The following PRRG1 variants were observed in gnomAD, a reference collection of about 807,000 sequenced individuals.
PRRG1 encodes transmembrane gamma-carboxyglutamic acid protein 1.
Under a neutral mutation model 11.8 loss-of-function variants are expected in PRRG1, and 5 were observed. That is an observed-to-expected ratio of 0.42 (90% CI 0.22 to 0.89). PRRG1 has a LOEUF of 0.89. Among genes scored for constraint, PRRG1 ranks in the 40% least tolerant of loss-of-function variants. PRRG1 has a pLI of 0.28. For missense variants in PRRG1, 155 were observed against 166.1 expected (o/e 0.93, Z 0.37); for synonymous variants, 66 against 60.4 (o/e 1.09, Z -0.43).
At chrX:37,442,844 C>T (rs374345856) in intron 3 of PRRG1, among the ~76,000 whole-genome samples, 1 of 111,106 alleles carries the variant, frequency 9.0e-6, no homozygotes, top group Non-Finnish European at 1.9e-5. Context: ...TGCATATTGC[C>T]CTTACAAATC....
chrX:37,412,187 G>A (rs1556384061), intron 2 of PRRG1, among the ~76,000 whole-genome samples: 2 of 111,855 alleles, frequency 1.8e-5, no homozygotes, highest in Non-Finnish European at 3.8e-5. Flanking sequence ...AAACATAGCA[G>A]CATAATTCCT....
Position 37,366,891 on chromosome X carries a change from A to G in PRRG1, c.-42+17496A>G, listed in dbSNP as rs781922221. On this transcript the variant is annotated intron_variant, in intron 1 of 3. Coordinates refer to ENST00000378628, the MANE Select transcript of PRRG1 (RefSeq NM_001142395.2). ...AGATACCAAGACCCGCTCATTGGAA[A>G]GTCTTATTTACACAACTAGAAGGGC... Among the ~76,000 whole-genome samples, 7 of 111,492 alleles carry G rather than the reference A, an allele frequency of 6.3e-5. No individual in the cohort carries two copies. The Admixed American group carries it at 6.7e-4, about 11-fold the overall frequency.
chrX:37,353,896 CA>C (rs2146915997), intron 1 of PRRG1, among the ~76,000 whole-genome samples: 1 of 112,774 alleles, frequency 8.9e-6, no homozygotes, highest in Admixed American at 9.3e-5. Context: ...TGACTGTTAA[CA>C]GCTTATAATG....
chrX:37,399,039 C>A (rs1382514723), intron 1 of PRRG1, among the ~76,000 whole-genome samples: 1 of 111,971 alleles, frequency 8.9e-6, no homozygotes, highest in East Asian at 2.8e-4. Context: ...AGAATGGAAC[C>A]AAGTTGGAAA....
intron 3 of PRRG1, among the ~76,000 whole-genome samples, chrX:37,426,536 AT>A (rs1932776541): frequency 8.9e-6 from 1 of 111,911 alleles, no homozygotes; most frequent in South Asian, 3.8e-4. Flanking sequence ...ACAGCTGGAA[AT>A]TGTTACCAGA....
chrX:37,375,661 C>T (rs1173864299), intron 1 of PRRG1, among the ~76,000 whole-genome samples: 3 of 111,062 alleles, frequency 2.7e-5, no homozygotes, highest in Admixed American at 9.6e-5. Context: ...TTTAGGTATC[C>T]GTGGATACTC....
chrX:37,379,930 C>T (rs1201959304), intron 1 of PRRG1, among the ~76,000 whole-genome samples: 6 of 111,198 alleles, frequency 5.4e-5, no homozygotes, highest in Non-Finnish European at 9.5e-5. Flanking sequence ...AATATACACA[C>T]AGAAAATGGG....
chrX:37,372,915 G>T (rs1005536330), intron 1 of PRRG1, among the ~76,000 whole-genome samples: 2 of 112,369 alleles, frequency 1.8e-5, no homozygotes, highest in Non-Finnish European at 3.8e-5. Context: ...CTACTAGTAG[G>T]TTTATAGTTT....
chrX:37,355,136 C>G (rs1556365807), intron 1 of PRRG1, among the ~76,000 whole-genome samples: 1 of 110,426 alleles, frequency 9.1e-6, no homozygotes, highest in Non-Finnish European at 1.9e-5. Flanking sequence ...CCAGGCTGGT[C>G]TCAAACTCCT....
At position 37,406,379 on chromosome X, in the gene PRRG1, T is replaced by C. The variant is rs781948262; in HGVS notation, c.10+120T>C. The C allele has an allele frequency of 5.3e-6, 4 of 760,412 alleles. No individual in the cohort carries two copies. In the South Asian group the frequency reaches 1.1e-4, roughly 20 times the overall value. The allele number at this position is 760,412 out of a possible 1,213,427, so 62.7% of individuals were successfully genotyped here. On this transcript the variant is annotated intron_variant, in intron 2 of 3. Coordinates refer to ENST00000378628, the MANE Select transcript of PRRG1 (RefSeq NM_001142395.2). ...CCTAAATTGTATTTCTTGTTAGTGT[T>C]AGAAAGTTTTTGTCTGAAGCAGGGC...
At chrX:37,404,490 G>A (rs1932128287) in intron 1 of PRRG1, among the ~76,000 whole-genome samples, 1 of 111,405 alleles carries the variant, frequency 9.0e-6, no homozygotes, top group Non-Finnish European at 1.9e-5. Flanking sequence ...CTGTAAAAAG[G>A]TATGAGTTCT....
At chrX:37,365,077 T>C (rs1162856277) in intron 1 of PRRG1, among the ~76,000 whole-genome samples, 1 of 111,855 alleles carries the variant, frequency 8.9e-6, no homozygotes. Flanking sequence ...TGGCCAAAAG[T>C]TAGTGAACTT....
chrX:37,444,463 T>G, intron 3 of PRRG1, among the ~76,000 whole-genome samples: 1 of 111,954 alleles, frequency 8.9e-6, no homozygotes, highest in Middle Eastern at 4.6e-3. Context: ...TGTGCCTCAG[T>G]TTCTTCATAT....
intron 1 of PRRG1, among the ~76,000 whole-genome samples, chrX:37,395,300 G>A (rs1426510156): frequency 2.7e-5 from 3 of 111,579 alleles, no homozygotes; most frequent in East Asian, 5.6e-4. Context: ...AAAAGCTCAC[G>A]CTTGTATGTG....
chrX:37,403,792 G>A (rs1932106528), intron 1 of PRRG1: 1 of 744,275 alleles, frequency 1.3e-6, no homozygotes, highest in Admixed American at 8.9e-5. Context: ...CCTGGGCCTG[G>A]GGGAGTTTGG....
intron 3 of PRRG1, among the ~76,000 whole-genome samples, chrX:37,446,928 A>G (rs1168621625): frequency 9.0e-6 from 1 of 111,706 alleles, no homozygotes; most frequent in Non-Finnish European, 1.9e-5. Context: ...CACTGACTGC[A>G]GCGAGAAGGA....
chrX:37,390,028 A>C (rs782288182), intron 1 of PRRG1, among the ~76,000 whole-genome samples: 1 of 112,183 alleles, frequency 8.9e-6, no homozygotes, highest in East Asian at 2.8e-4. Flanking sequence ...AAAAACAAAA[A>C]TTTATTGCTC....
intron 2 of PRRG1, among the ~76,000 whole-genome samples, chrX:37,424,977 T>G (rs782150495): frequency 1.9e-4 from 21 of 111,622 alleles, no homozygotes; most frequent in African/African-American, 6.8e-4. Context: ...TGTTCTAATC[T>G]CTTGCATTAA....
chrX:37,353,323 C>T (rs1410879863), intron 1 of PRRG1, among the ~76,000 whole-genome samples: 1 of 112,149 alleles, frequency 8.9e-6, no homozygotes, highest in Non-Finnish European at 1.9e-5. Context: ...TGTTTTTGTA[C>T]AACTGTCCAG....
Sources: allele counts gnomAD v4.1 joint callset (sites outside exome capture counted in the v4.1 genomes callset), GRCh38; gene constraint gnomAD v4.1.1; transcripts MANE v1.5; gene names NCBI Gene and HGNC (gene_info 2026-07-23, HGNC 2026-07-21).